The following MARCHF1 variants were observed in gnomAD, a reference collection of about 807,000 sequenced individuals.
MARCHF1 encodes membrane associated ring-CH-type finger 1.
MARCHF1 carries 40 observed loss-of-function variants against 54.2 expected under a neutral mutation model. The ratio of observed to expected loss-of-function variants is 0.74; its 90% CI spans 0.57 to 0.96. The LOEUF is 0.96. MARCHF1 is among the 40% of genes least tolerant of loss of function. The probability of loss-of-function intolerance (pLI) is 0.00; values close to 1 mark genes in which losing one functional copy is unlikely to be tolerated. For synonymous variants in MARCHF1, 236 were observed against 236.3 expected, an observed-to-expected ratio of 1.00 and a Z score of 0.01; for missense variants, 586 against 656.5, an observed-to-expected ratio of 0.89 and a Z score of 1.17.
At chr4:163,566,221 C>CAACA (rs1739640285) in intron 8 of MARCHF1, among the ~76,000 whole-genome samples, 2 of 152,204 alleles carry the variant, frequency 1.3e-5, no homozygotes, top group South Asian at 2.1e-4. Flanking sequence ...GTTTCATTTT[C>CAACA]AACACTGTCG....
intron 1 of MARCHF1, among the ~76,000 whole-genome samples, chr4:164,165,385 CCTCTGT>C (rs1297149081): frequency 1.7e-5 from 2 of 119,658 alleles, no homozygotes; most frequent in African/African-American, 4.3e-5. Context: ...TCTCTCTCTG[CCTCTGT>C]CTCTGTCTCT....
At chr4:163,548,034 A>C (rs1180377913) in intron 8 of MARCHF1, among the ~76,000 whole-genome samples, 1 of 152,186 alleles carries the variant, frequency 6.6e-6, no homozygotes, top group Non-Finnish European at 1.5e-5. Flanking sequence ...ATCAGTCTTG[A>C]ACTGAGAAGA....
chr4:163,695,671 A>T (rs1355406947), intron 5 of MARCHF1, among the ~76,000 whole-genome samples: 1 of 152,174 alleles, frequency 6.6e-6, no homozygotes, highest in Non-Finnish European at 1.5e-5. Context: ...TCCTACACAC[A>T]CCAAAAAGCA....
At chr4:164,262,686 G>A (rs1304018635) in intron 1 of MARCHF1, among the ~76,000 whole-genome samples, 4 of 152,164 alleles carry the variant, frequency 2.6e-5, no homozygotes, top group Non-Finnish European at 5.9e-5. Flanking sequence ...AAGCTGTGTG[G>A]ATGCAAACAG....
chr4:164,114,738 T>C (rs558089127), intron 1 of MARCHF1, among the ~76,000 whole-genome samples: 77 of 150,324 alleles, frequency 5.1e-4, no homozygotes, highest in Admixed American at 2.6e-3. Flanking sequence ...AATGGGAAAC[T>C]ACACACACAC....
Position 163,854,141 on chromosome 4 carries a change from C to T in MARCHF1, c.-10G>A. 6.6e-7 allele frequency: 1 copy of T among 1,522,224 alleles called. No individual in the cohort carries two copies. The highest frequency in any genetic ancestry group is 8.8e-7 in the Non-Finnish European group (1 of 1,140,286). The allele number at this position is 1,522,224 out of a possible 1,614,324, so 94.3% of individuals were successfully genotyped here. A position where few individuals can be genotyped will look rare whatever the true frequency, so the allele number is the denominator to read the frequency against. On this transcript the variant is annotated 5_prime_UTR_variant, in exon 4 of 10. Transcript: ENST00000514618. Reference sequence around the variant, plus strand: ...CACACCAGCCCAGCATTTTCTCCTTCCTCTTATCCCTTTTCAATTTCTGAA... The same window carrying T: ...CACACCAGCCCAGCATTTTCTCCTTTCTCTTATCCCTTTTCAATTTCTGAA...
chr4:163,904,368 G>C (rs1161595461), intron 3 of MARCHF1, among the ~76,000 whole-genome samples: 1 of 152,152 alleles, frequency 6.6e-6, no homozygotes, highest in East Asian at 1.9e-4. Flanking sequence ...TGTTATACTG[G>C]GTTATATTAG....
At chr4:163,817,878 G>T (rs558644347) in intron 4 of MARCHF1, among the ~76,000 whole-genome samples, 1 of 143,056 alleles carries the variant, frequency 7.0e-6, no homozygotes, top group African/African-American at 2.6e-5. Flanking sequence ...ACCAAACACC[G>T]CATGTTCTCA....
At chr4:163,694,734 T>C (rs1335264488) in intron 5 of MARCHF1, among the ~76,000 whole-genome samples, 2 of 152,180 alleles carry the variant, frequency 1.3e-5, no homozygotes, top group African/African-American at 4.8e-5. Context: ...TGGCAGAGAT[T>C]TGAGCTAAAA....
At chr4:163,846,399 C>T (rs369410369) in intron 4 of MARCHF1, among the ~76,000 whole-genome samples, 50 of 152,148 alleles carry the variant, frequency 3.3e-4, no homozygotes, top group African/African-American at 1.1e-3. Context: ...GCTATGTTTG[C>T]GGGGCAATTC....
chr4:163,524,335 A>G (rs1225395702), downstream of MARCHF1: 1 of 152,204 alleles, frequency 6.6e-6, no homozygotes, highest in African/African-American at 2.4e-5. Flanking sequence ...CAAACCTCTT[A>G]GATTCTAATA....
intron 4 of MARCHF1, among the ~76,000 whole-genome samples, chr4:163,819,001 A>T (rs942091294): frequency 6.6e-6 from 1 of 152,098 alleles, no homozygotes; most frequent in Non-Finnish European, 1.5e-5. Flanking sequence ...CATGCTATTT[A>T]TCTGTCCAAT....
chr4:164,176,980 C>CTCTCTCTCTCTA (rs1466683245), intron 1 of MARCHF1, among the ~76,000 whole-genome samples: 20 of 58,896 alleles, frequency 3.4e-4, no homozygotes, highest in African/African-American at 1.4e-3. Flanking sequence ...CTCTCTCTCT[C>CTCTCTCTCTCTA]TATATATATA....
chr4:164,258,728 C>T (rs1337737969), intron 1 of MARCHF1, among the ~76,000 whole-genome samples: 1 of 152,086 alleles, frequency 6.6e-6, no homozygotes, highest in South Asian at 2.1e-4. Context: ...TTTGATTATA[C>T]ATATGTATTC....
chr4:163,849,130 G>A (rs1482978565), intron 4 of MARCHF1, among the ~76,000 whole-genome samples: 1 of 152,110 alleles, frequency 6.6e-6, no homozygotes, highest in East Asian at 1.9e-4. Context: ...TGAGAAAGAC[G>A]TGATAGAGTG....
chr4:163,703,841 G>A (rs920908070), intron 4 of MARCHF1, among the ~76,000 whole-genome samples: 5 of 151,960 alleles, frequency 3.3e-5, no homozygotes, highest in East Asian at 3.9e-4. Context: ...GACTATTATC[G>A]TTTTTCAAAG....
chr4:164,076,861 C>T (rs547432669), intron 2 of MARCHF1, among the ~76,000 whole-genome samples: 2 of 152,256 alleles, frequency 1.3e-5, no homozygotes, highest in Non-Finnish European at 1.5e-5. Context: ...AGCTACAAAT[C>T]ACTGTTCAAG....
intron 1 of MARCHF1, among the ~76,000 whole-genome samples, chr4:164,303,993 T>C (rs1314641073): frequency 6.6e-6 from 1 of 152,242 alleles, no homozygotes; most frequent in East Asian, 1.9e-4. Flanking sequence ...ATCAAGCTGA[T>C]ACTCTATGCA....
chr4:163,992,126 GA>G (rs199650404), intron 2 of MARCHF1, among the ~76,000 whole-genome samples: 1,988 of 124,300 alleles, frequency 0.016, 42 homozygotes, highest in African/African-American at 0.057. Flanking sequence ...AATTAATCAA[GA>G]AAGGAAACCC....
Sources: allele counts gnomAD v4.1 joint callset (sites outside exome capture counted in the v4.1 genomes callset), GRCh38; gene constraint gnomAD v4.1.1; transcripts MANE v1.5; gene names NCBI Gene and HGNC (gene_info 2026-07-23, HGNC 2026-07-21).